The following ERBB4 variants were observed in gnomAD, a reference collection of about 807,000 sequenced individuals.
The protein encoded by ERBB4 is receptor tyrosine-protein kinase erbB-4.
In ERBB4, 42 loss-of-function variants were observed where a neutral mutation model predicts 158.0. That is an observed-to-expected ratio of 0.27 (90% CI 0.21 to 0.34). The LOEUF (loss-of-function observed/expected upper bound fraction) is 0.34. Ranked by LOEUF, ERBB4 falls within the 10% of genes least tolerant of loss-of-function variation. The pLI is 1.00. For missense variants in ERBB4, 1,333 were observed against 1,624.1 expected (o/e 0.82, Z 3.08); for synonymous variants, 583 against 558.7 (o/e 1.04, Z -0.61).
chr2:211,658,636 T>A (rs2071308504), intron 15 of ERBB4, among the ~76,000 whole-genome samples: 1 of 152,178 alleles, frequency 6.6e-6, no homozygotes, highest in Non-Finnish European at 1.5e-5. Context: ...GACACTGTCT[T>A]TTAAAATAGC....
chr2:211,550,490 T>G (rs1160375899), intron 20 of ERBB4, among the ~76,000 whole-genome samples: 2 of 150,862 alleles, frequency 1.3e-5, no homozygotes, highest in African/African-American at 4.9e-5. Flanking sequence ...GTCTTTCAGC[T>G]TCTGGCTTTC....
At chr2:212,509,298 A>C (rs1200932358) in intron 1 of ERBB4, among the ~76,000 whole-genome samples, 2 of 152,046 alleles carry the variant, frequency 1.3e-5, no homozygotes, top group Admixed American at 6.5e-5. Flanking sequence ...ATGTTGTACA[A>C]TCATTTTCCC....
intron 19 of ERBB4, among the ~76,000 whole-genome samples, chr2:211,617,637 A>G (rs2069441244): frequency 6.6e-6 from 1 of 152,130 alleles, no homozygotes; most frequent in Admixed American, 6.6e-5. Context: ...CTACTATATG[A>G]GAACCAATAA....
intron 20 of ERBB4, among the ~76,000 whole-genome samples, chr2:211,451,493 A>T (rs1418100689): frequency 3.9e-5 from 6 of 152,206 alleles, no homozygotes; most frequent in African/African-American, 1.4e-4. Context: ...TTATATAAGG[A>T]TTGATACAGA....
At chr2:212,006,667 G>A (rs1339367528) in intron 2 of ERBB4, among the ~76,000 whole-genome samples, 3 of 151,876 alleles carry the variant, frequency 2.0e-5, no homozygotes, top group Non-Finnish European at 1.5e-5. Flanking sequence ...AATGATCCGT[G>A]GCTCAGAGCA....
intron 1 of ERBB4, among the ~76,000 whole-genome samples, chr2:212,160,505 T>C (rs988908343): frequency 1.3e-5 from 2 of 151,996 alleles, no homozygotes; most frequent in Non-Finnish European, 1.5e-5. Flanking sequence ...TATAAATGTA[T>C]ATCAGTGTGA....
chr2:212,112,348 C>A (rs1304680704), intron 2 of ERBB4, among the ~76,000 whole-genome samples: 1 of 152,140 alleles, frequency 6.6e-6, no homozygotes, highest in East Asian at 1.9e-4. Flanking sequence ...CCACTGTCCC[C>A]AGCACTGAGT....
chr2:211,786,650 C>T (rs2106315287), intron 4 of ERBB4, among the ~76,000 whole-genome samples: 2 of 152,276 alleles, frequency 1.3e-5, no homozygotes, highest in Middle Eastern at 3.4e-3. Flanking sequence ...GCACACTTCC[C>T]TTTTGGCTTC....
At chr2:212,229,506 A>G (rs991975015) in intron 1 of ERBB4, among the ~76,000 whole-genome samples, 1 of 152,204 alleles carries the variant, frequency 6.6e-6, no homozygotes, top group African/African-American at 2.4e-5. Flanking sequence ...GAAAGGTACT[A>G]AAGGGCCAGT....
chr2:211,977,498 C>T (rs77064543), intron 2 of ERBB4, among the ~76,000 whole-genome samples: 1 of 117,880 alleles, frequency 8.5e-6, no homozygotes, highest in Admixed American at 1.1e-4. Flanking sequence ...GGCACTTTCT[C>T]TTTTAGGCCT....
intron 20 of ERBB4, among the ~76,000 whole-genome samples, chr2:211,480,131 CA>C (rs1325878205): frequency 6.6e-6 from 1 of 152,142 alleles, no homozygotes; most frequent in African/African-American, 2.4e-5. Flanking sequence ...TTGTTACATG[CA>C]AAAACTTGGA....
intron 13 of ERBB4, among the ~76,000 whole-genome samples, chr2:211,675,090 C>T (rs1259863342): frequency 6.6e-6 from 1 of 152,122 alleles, no homozygotes; most frequent in Non-Finnish European, 1.5e-5. Context: ...TTGTGACTTT[C>T]TCCATAATTT....
chr2:212,511,444 A>G (rs746556984), intron 1 of ERBB4, among the ~76,000 whole-genome samples: 3 of 152,206 alleles, frequency 2.0e-5, no homozygotes, highest in Admixed American at 2.0e-4. Context: ...TCTTGAAACT[A>G]TTACAAAATT....
At chr2:211,784,893 C>T (rs190603969) in intron 4 of ERBB4, among the ~76,000 whole-genome samples, 8 of 151,988 alleles carry the variant, frequency 5.3e-5, no homozygotes, top group Admixed American at 2.6e-4. Context: ...GCTTGTTGGC[C>T]CTTTGTGTAC....
chr2:211,750,189 TGTGCCTGGAACA>T (rs1174264856), intron 5 of ERBB4, among the ~76,000 whole-genome samples: 2 of 152,220 alleles, frequency 1.3e-5, no homozygotes, highest in African/African-American at 4.8e-5. Context: ...TTTTTATCCC[TGTGCCTGGAACA>T]GTGCCTGGAA....
chr2:211,520,673 G>A (rs998021562), intron 20 of ERBB4, among the ~76,000 whole-genome samples: 8 of 152,182 alleles, frequency 5.3e-5, no homozygotes, highest in South Asian at 2.1e-4. Context: ...TCTTTCTACC[G>A]TGCTTTAGTT....
rs545889354 is a variant in ERBB4 at position 211,631,373 on chromosome 2, A to G, written c.1947-779T>C. On this transcript the variant is annotated intron_variant, in intron 16 of 27. Coordinates refer to ENST00000342788, the MANE Select transcript of ERBB4 (RefSeq NM_005235.3). ...TAGAAAAAAGGTCAGGAGAAAGATA[A>G]AGAATTGGTTCAGACATGTTTTCAG... Among the ~76,000 whole-genome samples, 83 of 152,282 alleles carry G rather than the reference A, an allele frequency of 5.5e-4. 1 individual carries two copies. The Middle Eastern group carries it at 0.01, about 19-fold the overall frequency.
intron 2 of ERBB4, among the ~76,000 whole-genome samples, chr2:212,074,646 G>A (rs1295846423): frequency 6.6e-6 from 1 of 151,870 alleles, no homozygotes; most frequent in Admixed American, 6.6e-5. Flanking sequence ...CATTTTATAG[G>A]ATGATTAATA....
rs200254590 is a variant in ERBB4 at position 211,397,172 on chromosome 2, T to TA, written c.3136-9181dup. On this transcript the variant is annotated intron_variant, in intron 25 of 27. Coordinates refer to ENST00000342788, the MANE Select transcript of ERBB4 (RefSeq NM_005235.3). ...CGAGAGCTACCTGTTGACCATAGTC[T>TA]AAGCAGCTTTTGCCATTATTGAAAA... 2.1e-4 allele frequency among the ~76,000 whole-genome samples: 32 copies of TA among 152,130 alleles called. 1 individual carries two copies. The East Asian group carries it at 5.4e-3, about 26-fold the overall frequency.
Sources: gnomAD v4.1 joint callset for allele counts (sites outside exome capture counted in the v4.1 genomes callset) on GRCh38, gnomAD v4.1.1 for gene constraint, MANE v1.5 for transcripts, NCBI Gene and HGNC (gene_info 2026-07-23, HGNC 2026-07-21) for gene names.